MYT1L: variants seen among roughly 807,000 people sequenced by gnomAD.
MYT1L encodes myelin transcription factor 1-like protein.
Under a neutral mutation model 126.7 loss-of-function variants are expected in MYT1L, and 12 were observed. The observed-to-expected ratio is 0.09, with a 90% CI of 0.06 to 0.15. The LOEUF (loss-of-function observed/expected upper bound fraction) is 0.15, where lower values mean the gene tolerates loss of function less well. MYT1L is among the 10% of genes least tolerant of loss of function. The pLI, the probability that MYT1L is intolerant of heterozygous loss-of-function variation, is 1.00. For synonymous variants in MYT1L, 541 were observed against 604.2 expected (o/e 0.90, Z 1.53); for missense variants, 979 against 1,585.2 (o/e 0.62, Z 6.49).
intron 2 of MYT1L, among the ~76,000 whole-genome samples, chr2:2,243,119 G>A (rs1169279501): frequency 6.6e-6 from 1 of 152,214 alleles, no homozygotes; most frequent in African/African-American, 2.4e-5. Context: ...AGTACCAAGG[G>A]AGAGGCTGCC....
At chr2:2,173,613 T>C (rs1400902620) in intron 2 of MYT1L, among the ~76,000 whole-genome samples, 2 of 152,242 alleles carry the variant, frequency 1.3e-5, no homozygotes, top group Admixed American at 1.3e-4. Flanking sequence ...ATCCATATTA[T>C]TTCAAAGTCT....
At chr2:1,957,570 C>T (rs2058598280) in intron 8 of MYT1L, among the ~76,000 whole-genome samples, 1 of 151,730 alleles carries the variant, frequency 6.6e-6, no homozygotes, top group Non-Finnish European at 1.5e-5. Flanking sequence ...CCCCATCTAT[C>T]AATCACCTAT....
chr2:2,219,364 G>A (rs966099011), intron 2 of MYT1L, among the ~76,000 whole-genome samples: 58 of 152,292 alleles, frequency 3.8e-4, no homozygotes, highest in African/African-American at 1.3e-3. Flanking sequence ...GCCTCCAGCT[G>A]TAAAAAGTAG....
Position 1,965,864 on chromosome 2 carries a change from C to T in MYT1L, c.152+13301G>A, listed in dbSNP as rs151321011. ...AGCGGACAAGGGACTCAGGGAAAGG[C>T]TTTGCCTGGCATGCAGAGCAACTGC... On this transcript the variant is annotated intron_variant, in intron 8 of 24. Coordinates refer to ENST00000647738, the MANE Select transcript of MYT1L (RefSeq NM_001303052.2). Among the ~76,000 whole-genome samples the T allele has an allele frequency of 3.3e-5, 5 of 152,362 alleles. No individual in the cohort carries two copies. In the East Asian group the frequency reaches 9.7e-4, roughly 29 times the overall value.
intron 2 of MYT1L, among the ~76,000 whole-genome samples, chr2:2,200,706 AG>A (rs2093032058): frequency 6.6e-6 from 1 of 152,172 alleles, no homozygotes; most frequent in South Asian, 2.1e-4. Flanking sequence ...GAGCCTTCCA[AG>A]GCCACATTTT....
intron 3 of MYT1L, among the ~76,000 whole-genome samples, chr2:2,162,930 G>A (rs925065093): frequency 2.0e-5 from 3 of 152,132 alleles, no homozygotes; most frequent in Non-Finnish European, 4.4e-5. Context: ...CTCTTGATCT[G>A]TAACCCCGTG....
At chr2:2,079,347 T>C (rs2075568759) in intron 3 of MYT1L, among the ~76,000 whole-genome samples, 1 of 152,152 alleles carries the variant, frequency 6.6e-6, no homozygotes, top group Admixed American at 6.5e-5. Flanking sequence ...AAATTAAAGA[T>C]TGAAATAAAT....
At chr2:2,244,918 G>A (rs2094505025) in intron 2 of MYT1L, among the ~76,000 whole-genome samples, 1 of 152,170 alleles carries the variant, frequency 6.6e-6, no homozygotes, top group African/African-American at 2.4e-5. Context: ...GTCCTTATTA[G>A]AATAAAGATA....
intron 3 of MYT1L, among the ~76,000 whole-genome samples, chr2:2,055,248 T>C (rs1234128959): frequency 6.6e-6 from 1 of 152,222 alleles, no homozygotes; most frequent in Non-Finnish European, 1.5e-5. Context: ...ATGTATTTCA[T>C]AGCTTATATC....
chr2:2,271,154 T>C (rs1160234612), intron 2 of MYT1L, among the ~76,000 whole-genome samples: 2 of 152,172 alleles, frequency 1.3e-5, no homozygotes, highest in East Asian at 3.9e-4. Context: ...AGTAACCCTT[T>C]TGTTTTTCTC....
intron 3 of MYT1L, among the ~76,000 whole-genome samples, chr2:2,150,021 G>C (rs1033544453): frequency 1.3e-5 from 2 of 152,076 alleles, no homozygotes; most frequent in Non-Finnish European, 2.9e-5. Context: ...CACCTAAAAA[G>C]TGCTTTTCCT....
At chr2:2,180,068 T>C (rs988677613) in intron 2 of MYT1L, among the ~76,000 whole-genome samples, 8 of 152,344 alleles carry the variant, frequency 5.3e-5, no homozygotes, top group Non-Finnish European at 1.0e-4. Flanking sequence ...CTTCTGCTAA[T>C]GCCACTGTTG....
chr2:1,964,602 G>T (rs2059199611), intron 8 of MYT1L, among the ~76,000 whole-genome samples: 2 of 151,978 alleles, frequency 1.3e-5, no homozygotes, highest in South Asian at 4.2e-4. Context: ...GAAAAACAAG[G>T]GTAAAATTTT....
chr2:2,254,912 C>T (rs1450939383), intron 2 of MYT1L, among the ~76,000 whole-genome samples: 3 of 152,072 alleles, frequency 2.0e-5, no homozygotes, highest in East Asian at 1.9e-4. Context: ...AGGAAATGAT[C>T]TATATTTTTT....
chr2:2,027,607 T>C (rs187906105), intron 4 of MYT1L, among the ~76,000 whole-genome samples: 49 of 152,272 alleles, frequency 3.2e-4, no homozygotes, highest in Non-Finnish European at 5.3e-4. Flanking sequence ...AATTAAGAAA[T>C]GACATCATGT....
chr2:2,209,569 A>G (rs1188092734), intron 2 of MYT1L, among the ~76,000 whole-genome samples: 1 of 152,338 alleles, frequency 6.6e-6, no homozygotes, highest in East Asian at 1.9e-4. Flanking sequence ...TTCTTGTAAA[A>G]GACAGAATCT....
At position 1,967,062 on chromosome 2, in the gene MYT1L, A is replaced by C. The variant is rs574612317; in HGVS notation, c.152+12103T>G. Among the ~76,000 whole-genome samples the C allele has an allele frequency of 5.9e-4, 90 of 152,280 alleles. 2 individuals are homozygous for C. In the South Asian group the frequency reaches 0.018, roughly 31 times the overall value. ...GGGGGTACAAGTGGCTTTTGGTTAC[A>C]CGGATGAATTGTGACAACAGATACT... On this transcript the variant is annotated intron_variant, in intron 8 of 24. Transcript: ENST00000647738.
intron 4 of MYT1L, among the ~76,000 whole-genome samples, chr2:2,036,860 C>T (rs2066911664): frequency 6.6e-6 from 1 of 152,188 alleles, no homozygotes; most frequent in Non-Finnish European, 1.5e-5. Context: ...GTAGCTTCCA[C>T]CACACTTCAA....
intron 4 of MYT1L, among the ~76,000 whole-genome samples, chr2:2,001,140 T>C (rs1224825151): frequency 6.6e-6 from 1 of 152,122 alleles, no homozygotes. Context: ...TCTTTATTAA[T>C]TTCCCCCTCT....
Sources: allele counts gnomAD v4.1 joint callset (sites outside exome capture counted in the v4.1 genomes callset), GRCh38; gene constraint gnomAD v4.1.1; transcripts MANE v1.5; gene names NCBI Gene and HGNC (gene_info 2026-07-23, HGNC 2026-07-21).